The following DENND2A variants were observed in gnomAD, a reference collection of about 807,000 sequenced individuals.
DENND2A encodes the protein DENN domain-containing protein 2A.
Under a neutral mutation model 105.3 loss-of-function variants are expected in DENND2A, and 53 were observed. That is an observed-to-expected ratio of 0.50 (90% CI 0.40 to 0.63). DENND2A has a LOEUF of 0.63. DENND2A is among the 30% of genes least tolerant of loss of function. The pLI is 0.00. For missense variants in DENND2A, 1,138 were observed against 1,279.6 expected (o/e 0.89, Z 1.69); for synonymous variants, 522 against 508.4 (o/e 1.03, Z -0.36).
chr7:140,548,994 G>A (rs947739317), intron 12 of DENND2A, among the ~76,000 whole-genome samples: 49 of 151,746 alleles, frequency 3.2e-4, no homozygotes, highest in Admixed American at 3.1e-3. Flanking sequence ...CAAGGCTGGC[G>A]GATCACTTGA....
At chr7:140,639,244 C>T (rs977413942) in intron 1 of DENND2A, among the ~76,000 whole-genome samples, 2 of 151,780 alleles carry the variant, frequency 1.3e-5, no homozygotes, top group African/African-American at 2.4e-5. Flanking sequence ...CCCAGCTACT[C>T]GGGAAGCTGA....
chr7:140,575,430 ATTATGATGCATATAGC>A (rs1278883804), intron 5 of DENND2A, among the ~76,000 whole-genome samples: 1 of 152,194 alleles, frequency 6.6e-6, no homozygotes, highest in Non-Finnish European at 1.5e-5. Context: ...AGCTAACAAA[ATTATGATGCATATAGC>A]TTCAGACCCC....
chr7:140,545,639 T>G (rs1304588448), intron 13 of DENND2A, among the ~76,000 whole-genome samples: 1 of 152,214 alleles, frequency 6.6e-6, no homozygotes, highest in East Asian at 1.9e-4. Flanking sequence ...CATGCTGGGA[T>G]TACAGGTGTG....
Position 140,558,145 on chromosome 7 carries a change from G to T in DENND2A, c.1957C>A (p.Leu653Met), listed in dbSNP as rs760093160. The T allele has an allele frequency of 6.2e-7, 1 of 1,612,950 alleles. No homozygotes were observed. The highest frequency in any genetic ancestry group is 8.5e-7 in the Non-Finnish European group (1 of 1,179,006). The part of the protein sequence containing the change: ...SRRFGYCRRL[L>M]PGGKGKRLPE... ...GGCTGAAAGCAGAATGTACTCACCA[G>T]CAGTCTTCGGCAGTAACCGAACCTT... The change falls in exon 11 of 20, where the codon CTG (leucine) becomes ATG (methionine). Residue 653 changes from leucine to methionine, a missense_variant and splice_region_variant. By Grantham distance (15) the Leu-to-Met change is conservative. This residue lies in a region of DENND2A where 627 missense variants were observed against 779.8 expected (regional missense o/e 0.80). Coordinates refer to ENST00000496613, the MANE Select transcript of DENND2A (RefSeq NM_015689.5).
intron 4 of DENND2A, 101 bp from the exon 5 acceptor site, chr7:140,585,811 T>C: frequency 1.3e-6 from 2 of 1,542,868 alleles, no homozygotes; most frequent in Non-Finnish European, 8.8e-7. Flanking sequence ...TGTCCATTCT[T>C]GTAGGCATAT....
At chr7:140,558,731 A>T in intron 10 of DENND2A, among the ~76,000 whole-genome samples, 1 of 149,024 alleles carries the variant, frequency 6.7e-6, no homozygotes, top group East Asian at 2.0e-4. Context: ...AGTGAGACTG[A>T]GACCTAAAGT....
chr7:140,523,294 G>A lies in DENND2A; in HGVS notation c.2665+13C>T. On this transcript the variant is annotated intron_variant, in intron 17 of 19. Transcript: ENST00000496613. This position sits in a 1 kb window ranked among gnomAD's most constrained non-coding sequence, Gnocchi z 4.5. The stretch of plus-strand genomic sequence containing the variant: ...GAAGGGAGAGACCCACTGGGAGGTG[G>A]CTGAACACTTACCGTGCCTGCCGTC... 1 of 1,612,844 alleles carries A rather than the reference G, an allele frequency of 6.2e-7. No homozygotes were observed. The highest frequency in any genetic ancestry group is 8.5e-7 in the Non-Finnish European group (1 of 1,178,864).
chr7:140,613,397 G>A (rs542552622), intron 1 of DENND2A, among the ~76,000 whole-genome samples: 7 of 151,068 alleles, frequency 4.6e-5, no homozygotes, highest in East Asian at 4.0e-4. Context: ...AAAATTAGCC[G>A]AGCGTGGTGG....
chr7:140,524,772 G>T (rs2130459665), intron 16 of DENND2A, among the ~76,000 whole-genome samples: 1 of 151,262 alleles, frequency 6.6e-6, no homozygotes, highest in East Asian at 1.9e-4. Flanking sequence ...TAGACACAAG[G>T]GTCTCACCAT....
intron 5 of DENND2A, among the ~76,000 whole-genome samples, chr7:140,580,760 C>A (rs1798508648): frequency 6.6e-6 from 1 of 151,974 alleles, no homozygotes. Flanking sequence ...CCTCAGCCTC[C>A]CAAGTAGCTG....
intron 9 of DENND2A, among the ~76,000 whole-genome samples, chr7:140,560,963 T>G (rs1397190492): frequency 2.0e-5 from 3 of 152,018 alleles, no homozygotes; most frequent in Middle Eastern, 3.2e-3. Context: ...ATTAATAAAG[T>G]CTGATTTAGA....
intron 7 of DENND2A, among the ~76,000 whole-genome samples, 155 bp downstream of exon 7, chr7:140,569,490 A>G (rs1290265453): frequency 2.0e-5 from 3 of 152,214 alleles, no homozygotes; most frequent in African/African-American, 7.2e-5. Context: ...CTGAGCTCCC[A>G]GCCCCACCAC....
Position 140,521,905 on chromosome 7 carries a change from A to AGAT in DENND2A, c.2860_2861insATC (p.Met954delinsAsnLeu). 6.2e-7 allele frequency: 1 copy of AGAT among 1,614,154 alleles called. No individual in the cohort carries two copies. Among genetic ancestry groups the AGAT allele is most frequent in the East Asian group, 2.2e-5 (1 of 44,884 alleles). On this transcript the variant is annotated protein_altering_variant, in exon 18 of 20. Transcript: ENST00000496613. Reference sequence around the variant, plus strand: ...CCGCTCCTGGATGAAGCCCCGAAACATCTGAGTCTCCATGAAGACCTCCAG... The same window carrying AGAT: ...CCGCTCCTGGATGAAGCCCCGAAACAGATTCTGAGTCTCCATGAAGACCTCCAG...
intron 6 of DENND2A, among the ~76,000 whole-genome samples, 167 bp from the exon 7 acceptor site, chr7:140,569,905 T>A (rs1585657333): frequency 6.6e-6 from 1 of 151,096 alleles, no homozygotes; most frequent in African/African-American, 2.4e-5. Context: ...TTTTTTTTTA[T>A]TTTTTTGAGG....
rs35661058 is a variant in DENND2A at position 140,612,264 on chromosome 7, A to AG, written c.-247-6459_-247-6458insC. On this transcript the variant is annotated intron_variant, in intron 1 of 19. Coordinates refer to ENST00000496613, the MANE Select transcript of DENND2A (RefSeq NM_015689.5). ...TCAAGAAAAAAAAGGAAAAAAAAAA[A>AG]AGATGGTGAATGTTATGTGCATTCT... 3.9e-3 allele frequency among the ~76,000 whole-genome samples: 594 copies of AG among 152,078 alleles called. 2 individuals are homozygous for AG. Among genetic ancestry groups the AG allele is most frequent in the African/African-American group, 0.014 (561 of 41,438 alleles).
chr7:140,607,686 T>C (rs1799742254), intron 1 of DENND2A, among the ~76,000 whole-genome samples: 1 of 152,144 alleles, frequency 6.6e-6, no homozygotes, highest in Admixed American at 6.5e-5. Context: ...TCCCTCCACT[T>C]GGCTGGGCCC....
At chr7:140,575,897 A>T (rs978471292) in intron 5 of DENND2A, among the ~76,000 whole-genome samples, 1 of 151,030 alleles carries the variant, frequency 6.6e-6, no homozygotes, top group Non-Finnish European at 1.5e-5. Context: ...TGAAGCCAGG[A>T]GGTAGAGGTT....
At chr7:140,603,276 ACT>A (rs1219385233) in intron 2 of DENND2A, among the ~76,000 whole-genome samples, 1 of 152,052 alleles carries the variant, frequency 6.6e-6, no homozygotes. Context: ...ACAGAGAGAG[ACT>A]CTGTCTCAAA....
chr7:140,588,146 G>A (rs2130651465), intron 3 of DENND2A, among the ~76,000 whole-genome samples: 1 of 152,124 alleles, frequency 6.6e-6, no homozygotes, highest in South Asian at 2.1e-4. Context: ...CCTGACCTCA[G>A]GTGATCTGCC....
Sources: allele counts gnomAD v4.1 joint callset (sites outside exome capture counted in the v4.1 genomes callset), GRCh38; gene constraint gnomAD v4.1.1; regional missense constraint gnomAD v4.1.1; non-coding constraint Gnocchi (gnomAD v3.1); transcripts MANE v1.5; gene names NCBI Gene and HGNC (gene_info 2026-07-23, HGNC 2026-07-21).